The following ANO4 variants were observed in gnomAD, a reference collection of about 807,000 sequenced individuals.
ANO4 encodes anoctamin 4.
In ANO4, 69 loss-of-function variants were observed where a neutral mutation model predicts 141.9. That is an observed-to-expected ratio of 0.49 (90% CI 0.40 to 0.59). The LOEUF is 0.59. Among genes scored for constraint, ANO4 ranks in the 20% least tolerant of loss-of-function variants. The pLI is 0.00. For missense variants in ANO4, 894 were observed against 1,162.2 expected (o/e 0.77, Z 3.36); for synonymous variants, 350 against 394.3 (o/e 0.89, Z 1.33).
intron 1 of ANO4, among the ~76,000 whole-genome samples, chr12:100,828,364 G>C (rs993063870): frequency 6.6e-6 from 1 of 151,994 alleles, no homozygotes; most frequent in Non-Finnish European, 1.5e-5. Context: ...TGACTCATGC[G>C]GGGAGAGTCA....
chr12:101,102,477 C>G (rs1305111213), intron 22 of ANO4, among the ~76,000 whole-genome samples: 1 of 152,042 alleles, frequency 6.6e-6, no homozygotes, highest in Non-Finnish European at 1.5e-5. Context: ...ATGCTGAGCA[C>G]CTTTTCATAT....
At chr12:100,718,227 A>T (rs796297449) in intron 1 of ANO4, among the ~76,000 whole-genome samples, 15 of 152,364 alleles carry the variant, frequency 9.8e-5, no homozygotes, top group African/African-American at 3.6e-4. Context: ...TTTCAGGCTC[A>T]GCTAGAAATC....
intron 3 of ANO4, among the ~76,000 whole-genome samples, chr12:100,936,380 C>T (rs2042287868): frequency 6.6e-6 from 1 of 152,060 alleles, no homozygotes; most frequent in South Asian, 2.1e-4. Flanking sequence ...TTTCACTGTC[C>T]CCCTCTCCCC....
chr12:100,960,952 A>G (rs890677513), intron 5 of ANO4, among the ~76,000 whole-genome samples: 1 of 152,228 alleles, frequency 6.6e-6, no homozygotes, highest in Non-Finnish European at 1.5e-5. Flanking sequence ...CAGAACTGAC[A>G]TTGCTTACTT....
intron 3 of ANO4, among the ~76,000 whole-genome samples, chr12:100,782,810 T>C (rs1435405447): frequency 6.6e-6 from 1 of 152,222 alleles, no homozygotes; most frequent in Non-Finnish European, 1.5e-5. Context: ...CAAAGTGTAC[T>C]GAGGCTTTCT....
chr12:100,926,496 A>C (rs763922242), intron 3 of ANO4, among the ~76,000 whole-genome samples: 1 of 152,140 alleles, frequency 6.6e-6, no homozygotes, highest in Admixed American at 6.6e-5. Context: ...TTCAGGAAAA[A>C]TGAAAACGTT....
intron 1 of ANO4, among the ~76,000 whole-genome samples, chr12:100,865,540 C>T (rs1041825764): frequency 6.6e-6 from 1 of 152,014 alleles, no homozygotes; most frequent in Admixed American, 6.6e-5. Flanking sequence ...ATGCGGCCAA[C>T]AAACATATGA....
Position 101,037,157 on chromosome 12 carries a change from T to G in ANO4, c.897+7T>G. ...TGCGTTTCCCCTGCATGAGGTATTG[T>G]GCTGTCTTTAATCTTTATCTTTCTT... On this transcript the variant is annotated splice_region_variant and intron_variant, in intron 10 of 27. Transcript: ENST00000392977. 6.2e-7 allele frequency: 1 copy of G among 1,613,694 alleles called. No individual in the cohort carries two copies. The highest frequency in any genetic ancestry group is 1.1e-5 in the South Asian group (1 of 91,032).
intron 3 of ANO4, among the ~76,000 whole-genome samples, chr12:100,744,252 A>T (rs2032003681): frequency 6.6e-6 from 1 of 152,176 alleles, no homozygotes; most frequent in Non-Finnish European, 1.5e-5. Context: ...ATGCTGGCAT[A>T]GTCTCATTGT....
rs144445830 is a variant in ANO4 at position 100,974,870 on chromosome 12, C to T, written c.583C>T (p.Arg195Cys). Residue 195 changes from arginine (R) to cysteine (C), a missense_variant, in exon 7 of 28, where the codon CGT becomes TGT. Transcript: ENST00000392977. ...GAGAAAAATCTATTACCTGCCCCGC[C>T]GTTACAAGTTCATGAGCAGGTTAGT... ...FRRKIYYLPR[R>C]YKFMSRIDKQ... The T allele has an allele frequency of 8.1e-6, 13 of 1,614,078 alleles. No individual in the cohort carries two copies. In the East Asian group the frequency reaches 1.6e-4, roughly 19 times the overall value.
intron 2 of ANO4, among the ~76,000 whole-genome samples, chr12:100,911,718 G>A (rs2136066606): frequency 1.3e-5 from 2 of 152,266 alleles, no homozygotes; most frequent in South Asian, 4.1e-4. Context: ...CCTTTAAAGA[G>A]CAGTACCAGA....
At position 100,911,051 on chromosome 12, in the gene ANO4, A is replaced by G. The variant is rs575391988; in HGVS notation, c.55+9211A>G. Among the ~76,000 whole-genome samples, 28 of 152,288 alleles carry G rather than the reference A, an allele frequency of 1.8e-4. No individual in the cohort carries two copies. The South Asian group carries it at 2.1e-3, about 11-fold the overall frequency. ...AGCTAGAATGATTAGTACTGTCTGT[A>G]TACTTAGGCATTAAATGCATAGTTT... On this transcript the variant is annotated intron_variant, in intron 2 of 27. Transcript: ENST00000392977.
intron 5 of ANO4, among the ~76,000 whole-genome samples, chr12:100,965,527 C>T (rs1210898989): frequency 2.0e-5 from 3 of 152,066 alleles, no homozygotes; most frequent in Non-Finnish European, 2.9e-5. Context: ...AAAATAAATC[C>T]AAACTTCTTA....
intron 3 of ANO4, among the ~76,000 whole-genome samples, chr12:100,932,674 T>A (rs890902415): frequency 4.6e-5 from 7 of 152,148 alleles, no homozygotes; most frequent in African/African-American, 1.7e-4. Flanking sequence ...TAAATTCACC[T>A]TTTCATCATG....
chr12:100,991,085 G>C (rs2045077747), intron 8 of ANO4, among the ~76,000 whole-genome samples: 1 of 152,056 alleles, frequency 6.6e-6, no homozygotes, highest in Non-Finnish European at 1.5e-5. Context: ...GAGAATAGAG[G>C]CAATTTTATC....
rs1401913507 is a variant in ANO4, at chr12:101,048,085, A to G, written c.1252-256A>G. On this transcript the variant is annotated intron_variant, in intron 13 of 27. Transcript: ENST00000392977. Reference sequence around the variant, plus strand: ...ACAAAAGGGGATTCTTAGTAGCACTATTGGGGATGCTGATAAATGTTCAAC... The same window carrying G: ...ACAAAAGGGGATTCTTAGTAGCACTGTTGGGGATGCTGATAAATGTTCAAC... 1.2e-5 allele frequency: 14 copies of G among 1,194,822 alleles called. No individual in the cohort carries two copies. The East Asian group carries it at 3.6e-4, about 30-fold the overall frequency. 74.0% of individuals were successfully genotyped at this position (1,194,822 alleles called of 1,614,324 possible).
At chr12:100,980,467 C>A (rs1329613210) in intron 7 of ANO4, among the ~76,000 whole-genome samples, 1 of 152,130 alleles carries the variant, frequency 6.6e-6, no homozygotes, top group South Asian at 2.1e-4. Context: ...ATACAACTTG[C>A]CATCTAGTAG....
intron 3 of ANO4, among the ~76,000 whole-genome samples, chr12:100,746,076 A>G (rs1313720442): frequency 6.6e-6 from 1 of 152,210 alleles, no homozygotes; most frequent in African/African-American, 2.4e-5. Flanking sequence ...GGAGGTCAGC[A>G]TAAGAAATTA....
chr12:100,921,167 T>A (rs966937177), intron 2 of ANO4, among the ~76,000 whole-genome samples: 1 of 152,136 alleles, frequency 6.6e-6, no homozygotes, highest in African/African-American at 2.4e-5. Flanking sequence ...TGCCAGCTCC[T>A]GTTCTAAGTG....
Sources: gnomAD v4.1 joint callset for allele counts (sites outside exome capture counted in the v4.1 genomes callset) on GRCh38, gnomAD v4.1.1 for gene constraint, MANE v1.5 for transcripts, NCBI Gene and HGNC (gene_info 2026-07-23, HGNC 2026-07-21) for gene names.